Variants in CEP164 observed in about 807,000 individuals in gnomAD.
CEP164 encodes the protein centrosomal protein of 164 kDa.
A neutral mutation model predicts 182.7 loss-of-function variants in CEP164; 162 were observed. The ratio of observed to expected loss-of-function variants is 0.89; its 90% CI spans 0.78 to 1.01. The LOEUF (loss-of-function observed/expected upper bound fraction) is 1.01, where lower values mean the gene tolerates loss of function less well. CEP164 is among the 50% of genes least tolerant of loss of function. The pLI is 0.00. For synonymous variants in CEP164, 661 were observed against 690.0 expected, an observed-to-expected ratio of 0.96 and a Z score of 0.66; for missense variants, 1,735 against 1,790.4, an observed-to-expected ratio of 0.97 and a Z score of 0.56.
chr11:117,340,613 C>T (rs915115026), intron 3 of CEP164, among the ~76,000 whole-genome samples: 12 of 152,168 alleles, frequency 7.9e-5, no homozygotes, highest in Admixed American at 7.9e-4. Flanking sequence ...TAGCTCACTG[C>T]AGCCTTGAAC....
chr11:117,399,984 A>G (rs1411833429), intron 27 of CEP164, among the ~76,000 whole-genome samples: 1 of 152,072 alleles, frequency 6.6e-6, no homozygotes, highest in Non-Finnish European at 1.5e-5. Flanking sequence ...GAAGCTCTTT[A>G]GTTTAATTAG....
intron 3 of CEP164, among the ~76,000 whole-genome samples, chr11:117,342,330 CT>C (rs1055646765): frequency 6.6e-6 from 1 of 152,234 alleles, no homozygotes; most frequent in Non-Finnish European, 1.5e-5. Flanking sequence ...AGATTTTCCA[CT>C]GAGATGGCTC....
intron 8 of CEP164, among the ~76,000 whole-genome samples, chr11:117,364,296 T>A (rs1321676118): frequency 2.6e-5 from 4 of 152,248 alleles, no homozygotes; most frequent in Non-Finnish European, 4.4e-5. Flanking sequence ...ATACTTTCAA[T>A]ACCTTAACAT....
At position 117,353,856 on chromosome 11, in the gene CEP164, G is replaced by A. The variant is rs550980404; in HGVS notation, c.393+1868G>A. On this transcript the variant is annotated intron_variant, in intron 5 of 32. Transcript: ENST00000278935. ...CTCAGAGGGTCTGTGACCATGTGGC[G>A]GTCTCTCAAGCAATACCAACTGGTT... 6.8e-4 allele frequency among the ~76,000 whole-genome samples: 103 copies of A among 152,154 alleles called. 1 individual carries two copies. Among genetic ancestry groups the A allele is most frequent in the African/African-American group, 2.3e-3 (97 of 41,530 alleles).
chr11:117,399,917 T>G (rs1436806794), intron 27 of CEP164, among the ~76,000 whole-genome samples: 1 of 152,210 alleles, frequency 6.6e-6, no homozygotes. Flanking sequence ...TTGCAAAAAT[T>G]TTCTCCCATT....
chr11:117,353,966 G>A (rs1170623947), intron 5 of CEP164, among the ~76,000 whole-genome samples: 3 of 151,506 alleles, frequency 2.0e-5, no homozygotes, highest in Non-Finnish European at 4.4e-5. Flanking sequence ...AAAATTTCCG[G>A]GTGTCCTTGG....
At chr11:117,396,233 T>C (rs926035321) in intron 25 of CEP164, 53 bp downstream of exon 25, 1 of 1,584,774 alleles carries the variant, frequency 6.3e-7, no homozygotes, top group Non-Finnish European at 8.6e-7. Context: ...GTGTGGGGCA[T>C]TGGGAGGGGC....
rs1302435273 is a variant in CEP164, at chr11:117,409,018, G to A, written c.3738G>A (p.Arg1246=). Residue 1246 remains arginine (R), a synonymous_variant, in exon 29 of 33, where the codon CGG becomes CGA. Coordinates refer to ENST00000278935, the MANE Select transcript of CEP164 (RefSeq NM_014956.5). The surrounding 1 kb of genome is among the most constrained non-coding windows in gnomAD (Gnocchi z 4.4). ...CCCCGCCTCACCGTGAGTGGTGGCG[G>A]CAGCAGAGGAGTGAGTGGGGGAGAT... The part of the protein sequence containing the change: ...SFSPPHREWW[R]QQRIDSTPSL... The A allele has an allele frequency of 6.2e-7, 1 of 1,614,046 alleles. No individual in the cohort carries two copies. The highest frequency in any genetic ancestry group is 1.7e-5 in the Admixed American group (1 of 60,020).
intron 27 of CEP164, among the ~76,000 whole-genome samples, chr11:117,398,308 A>C (rs908646071): frequency 2.6e-5 from 4 of 152,338 alleles, no homozygotes; most frequent in Middle Eastern, 3.4e-3. Flanking sequence ...CAATGCAGCC[A>C]GAAGGCAAAC....
intron 13 of CEP164, among the ~76,000 whole-genome samples, chr11:117,382,336 C>T (rs1328035070): frequency 6.6e-6 from 1 of 152,168 alleles, no homozygotes. Context: ...CTGTTATGTG[C>T]TCGGCCCAGG....
rs2047074485 is a variant in CEP164 at position 117,409,444 on chromosome 11, A to G, written c.3749-174A>G. On this transcript the variant is annotated intron_variant, in intron 29 of 32. Coordinates refer to ENST00000278935, the MANE Select transcript of CEP164 (RefSeq NM_014956.5). The surrounding 1 kb of genome is among the most constrained non-coding windows in gnomAD (Gnocchi z 4.4). ...TTCTCATGGCCAGCTTCTCACTTGC[A>G]CTGTCTGGAACACAGAAGCCCTGCC... 3.1e-6 allele frequency: 2 copies of G among 641,744 alleles called. No homozygotes were observed. The highest frequency in any genetic ancestry group is 2.9e-5 in the Admixed American group (1 of 35,030). 39.8% of individuals were successfully genotyped at this position (641,744 alleles called of 1,614,324 possible).
intron 5 of CEP164, among the ~76,000 whole-genome samples, chr11:117,353,572 C>T (rs911599470): frequency 6.6e-6 from 1 of 152,146 alleles, no homozygotes; most frequent in African/African-American, 2.4e-5. Flanking sequence ...TGATTGGATT[C>T]TTAGAGCCCT....
At chr11:117,331,653 G>A (rs553445686) in intron 1 of CEP164, among the ~76,000 whole-genome samples, 1 of 152,052 alleles carries the variant, frequency 6.6e-6, no homozygotes, top group African/African-American at 2.4e-5. Context: ...CCACTATGCC[G>A]CCTGTCACTG....
intron 15 of CEP164, among the ~76,000 whole-genome samples, chr11:117,389,483 C>G (rs2044342267): frequency 1.3e-5 from 2 of 152,166 alleles, no homozygotes; most frequent in Admixed American, 1.3e-4. Flanking sequence ...GATTTTAAGA[C>G]AAGATTCTTT....
At chr11:117,358,276 T>G (rs376370694) in intron 5 of CEP164, among the ~76,000 whole-genome samples, 1 of 152,132 alleles carries the variant, frequency 6.6e-6, no homozygotes, top group Non-Finnish European at 1.5e-5. Context: ...GAGCCAGGAA[T>G]GTATAATTTC....
chr11:117,396,508 C>T, intron 25 of CEP164, 42 bp from the exon 26 acceptor site: 1 of 1,552,760 alleles, frequency 6.4e-7, no homozygotes, highest in South Asian at 1.1e-5. Context: ...AGGGTGTCTG[C>T]TTTTGCTACA....
chr11:117,392,225 G>C lies in CEP164; in HGVS notation c.2284-1G>C. 1 of 1,599,384 alleles carries C rather than the reference G, an allele frequency of 6.3e-7. No individual in the cohort carries two copies. Among genetic ancestry groups the C allele is most frequent in the Non-Finnish European group, 8.5e-7 (1 of 1,171,624 alleles). ...CTCACAGTCCCTTTGCTCCTCCCCA[G>C]GCTGTGGCAACGCTGGAGAAGGAGC... On this transcript the variant is annotated splice_acceptor_variant, in intron 17 of 32. Coordinates refer to ENST00000278935, the MANE Select transcript of CEP164 (RefSeq NM_014956.5). LOFTEE classifies it high-confidence loss of function.
At chr11:117,360,045 C>T (rs568482420) in intron 5 of CEP164, among the ~76,000 whole-genome samples, 2 of 152,330 alleles carry the variant, frequency 1.3e-5, no homozygotes, top group Middle Eastern at 3.4e-3. Context: ...TACTGCCCTT[C>T]GGCAAGGCTC....
Position 117,361,883 on chromosome 11 carries a change from G to T in CEP164, c.442G>T (p.Ala148Ser). The change falls in exon 6 of 33, where the codon GCT (alanine) becomes TCT (serine). Residue 148 changes from alanine to serine, a missense_variant. Transcript: ENST00000278935. Reference protein sequence around the residue: ...APVHVPLGGLAPLRGLVDTPP... With the variant: ...APVHVPLGGLSPLRGLVDTPP... ...AGTTCATGTTCCTCTTGGGGGCCTG[G>T]CTCCTTTACGAGGTCTTGTGGATAC... is the stretch of plus-strand genomic sequence containing the variant. 1 of 1,614,178 alleles carries T rather than the reference G, an allele frequency of 6.2e-7. No homozygotes were observed. Among genetic ancestry groups the T allele is most frequent in the Non-Finnish European group, 8.5e-7 (1 of 1,180,024 alleles).
Sources: gnomAD v4.1 joint callset for allele counts (sites outside exome capture counted in the v4.1 genomes callset) on GRCh38, gnomAD v4.1.1 for gene constraint, Gnocchi (gnomAD v3.1) non-coding constraint, MANE v1.5 for transcripts, NCBI Gene and HGNC (gene_info 2026-07-23, HGNC 2026-07-21) for gene names.